TTC23: variants seen among roughly 807,000 people sequenced by gnomAD.
The protein encoded by TTC23 is tetratricopeptide repeat domain 23.
TTC23 carries 58 observed loss-of-function variants against 55.1 expected under a neutral mutation model. That is an observed-to-expected ratio of 1.05 (90% confidence interval 0.85 to 1.31). The LOEUF (loss-of-function observed/expected upper bound fraction) is 1.31, where lower values mean the gene tolerates loss of function less well. Among genes scored for constraint, TTC23 ranks in the 50% most tolerant of loss-of-function variants. The pLI is 0.00. For missense variants in TTC23, 516 were observed against 534.4 expected, an observed-to-expected ratio of 0.97 and a Z score of 0.34; for synonymous variants, 203 against 199.9, an observed-to-expected ratio of 1.02 and a Z score of -0.13.
At chr15:99,167,797 C>T (rs1336745380) in intron 10 of TTC23, among the ~76,000 whole-genome samples, 3 of 152,194 alleles carry the variant, frequency 2.0e-5, no homozygotes, top group Non-Finnish European at 4.4e-5. Context: ...GGACAGCTTT[C>T]ATTAAGAGGG....
intron 9 of TTC23, among the ~76,000 whole-genome samples, chr15:99,183,975 T>C (rs2074421163): frequency 6.6e-6 from 1 of 152,138 alleles, no homozygotes; most frequent in Non-Finnish European, 1.5e-5. Context: ...CAGCCATGGC[T>C]AGAAGGGGCA....
At chr15:99,214,533 C>T (rs2152034300) in intron 8 of TTC23, among the ~76,000 whole-genome samples, 1 of 147,494 alleles carries the variant, frequency 6.8e-6, no homozygotes, top group Non-Finnish European at 1.5e-5. Context: ...AAAAGAGATC[C>T]TCCCACCTCA....
intron 11 of TTC23, among the ~76,000 whole-genome samples, chr15:99,156,837 G>A (rs2151883090): frequency 6.6e-6 from 1 of 152,346 alleles, no homozygotes; most frequent in South Asian, 2.1e-4. Context: ...TGTAAACTAT[G>A]AAGAGAGAGG....
chr15:99,161,460 G>C (rs1335964010), intron 11 of TTC23, among the ~76,000 whole-genome samples: 1 of 152,204 alleles, frequency 6.6e-6, no homozygotes, highest in Non-Finnish European at 1.5e-5. Context: ...ATTCCAGCCA[G>C]ATCTGCAGGA....
Position 99,139,394 on chromosome 15 carries a change from G to A in TTC23, c.1149C>T (p.Leu383=). 6.2e-7 allele frequency: 1 copy of A among 1,614,146 alleles called. No individual in the cohort carries two copies. Among genetic ancestry groups the A allele is most frequent in the Non-Finnish European group, 8.5e-7 (1 of 1,180,026 alleles). The stretch of plus-strand genomic sequence containing the variant: ...GTCCATATAAGAGGGTCTGGATCTG[G>A]AGACACTGTAGAACACCAAGCAGCT... ...SGARKKLKKC[L]QIQTLLYGPQ... is the part of the protein sequence containing the mutation. The change falls in exon 13 of 14, where the codon CTC becomes CTT. Residue 383 remains leucine (L), a synonymous_variant. Coordinates refer to ENST00000394132, the MANE Select transcript of TTC23 (RefSeq NM_001288615.3).
At chr15:99,240,852 C>T (rs1411553328) in intron 3 of TTC23, among the ~76,000 whole-genome samples, 3 of 152,152 alleles carry the variant, frequency 2.0e-5, no homozygotes, top group Non-Finnish European at 2.9e-5. Context: ...GTAACGTTCA[C>T]TCTAATTTCA....
intron 13 of TTC23, 59 bp downstream of exon 13, chr15:99,139,258 C>CT: frequency 6.3e-7 from 1 of 1,589,368 alleles, no homozygotes; most frequent in Non-Finnish European, 8.5e-7. Flanking sequence ...CCAGCTTTCT[C>CT]TTGAGATTCT....
chr15:99,231,349 T>C (rs903819516), intron 4 of TTC23, among the ~76,000 whole-genome samples: 1 of 152,234 alleles, frequency 6.6e-6, no homozygotes, highest in African/African-American at 2.4e-5. Context: ...AAAGAAGGTA[T>C]TCCATTATCA....
intron 7 of TTC23, 50 bp downstream of exon 7, chr15:99,218,848 T>C (rs1263353214): frequency 6.3e-7 from 1 of 1,599,786 alleles, no homozygotes; most frequent in African/African-American, 1.3e-5. Context: ...GGCGTGTAAG[T>C]GTTACGTGAA....
At chr15:99,187,462 AAAAAAACAAAAC>A (rs1432744335) in intron 9 of TTC23, among the ~76,000 whole-genome samples, 2 of 132,546 alleles carry the variant, frequency 1.5e-5, no homozygotes, top group South Asian at 2.2e-4. Flanking sequence ...CAAAAAAAAA[AAAAAAACAAAAC>A]AAAAGAAACC....
rs1279204112 is a variant in TTC23 at position 99,136,560 on chromosome 15, C to T, written c.*1450G>A. On this transcript the variant is annotated 3_prime_UTR_variant, in exon 14 of 14. Coordinates refer to ENST00000394132, the MANE Select transcript of TTC23 (RefSeq NM_001288615.3). ...CATGGTGGAGAGAGAGATCATCTCT[C>T]TGGTGTCTCTCCTTATAAAGCACTA... 6.6e-6 allele frequency: 1 copy of T among 152,214 alleles called. No homozygotes were observed. The highest frequency in any genetic ancestry group is 2.4e-5 in the African/African-American group (1 of 41,458). 9.4% of individuals were successfully genotyped at this position (152,214 alleles called of 1,614,324 possible).
upstream of TTC23, chr15:99,251,080 G>A (rs1474168003): frequency 1.3e-5 from 2 of 152,102 alleles, no homozygotes; most frequent in Non-Finnish European, 2.9e-5. Flanking sequence ...GAGAAGCCGA[G>A]TGACTGAATG....
At chr15:99,150,531 C>A (rs1301838073) in intron 12 of TTC23, among the ~76,000 whole-genome samples, 1 of 152,202 alleles carries the variant, frequency 6.6e-6, no homozygotes, top group Admixed American at 6.5e-5. Context: ...CCACAAATTT[C>A]TTCTGATGAA....
At chr15:99,142,449 G>C (rs958897563) in intron 12 of TTC23, among the ~76,000 whole-genome samples, 2 of 152,184 alleles carry the variant, frequency 1.3e-5, no homozygotes, top group African/African-American at 4.8e-5. Flanking sequence ...ATATTTATGA[G>C]TGCCTCTGAT....
chr15:99,215,566 G>A (rs995774025), intron 8 of TTC23, among the ~76,000 whole-genome samples: 2 of 151,926 alleles, frequency 1.3e-5, no homozygotes, highest in African/African-American at 4.8e-5. Flanking sequence ...GCAACATAGC[G>A]AAATTTCATC....
intron 10 of TTC23, among the ~76,000 whole-genome samples, chr15:99,168,227 G>T (rs1373587871): frequency 6.6e-6 from 1 of 152,216 alleles, no homozygotes; most frequent in African/African-American, 2.4e-5. Flanking sequence ...CATCTCTAGG[G>T]ACAGGTGTGC....
intron 5 of TTC23, among the ~76,000 whole-genome samples, chr15:99,225,105 C>T (rs1488749504): frequency 6.6e-6 from 1 of 152,170 alleles, no homozygotes; most frequent in Non-Finnish European, 1.5e-5. Flanking sequence ...CTACAGATTT[C>T]CAGCGAAGAG....
At chr15:99,203,828 T>G (rs1197896023) in intron 8 of TTC23, among the ~76,000 whole-genome samples, 1 of 152,172 alleles carries the variant, frequency 6.6e-6, no homozygotes, top group Non-Finnish European at 1.5e-5. Flanking sequence ...TGACAGGATT[T>G]CATCCTTTTT....
chr15:99,222,826 T>C (rs1187286053), intron 5 of TTC23, among the ~76,000 whole-genome samples: 3 of 151,918 alleles, frequency 2.0e-5, no homozygotes, highest in African/African-American at 2.4e-5. Flanking sequence ...TGAAACCCCA[T>C]CTCTACTAAA....
Sources: allele counts gnomAD v4.1 joint callset (sites outside exome capture counted in the v4.1 genomes callset), GRCh38; gene constraint gnomAD v4.1.1; transcripts MANE v1.5; gene names NCBI Gene and HGNC (gene_info 2026-07-23, HGNC 2026-07-21).